The following MYO16 variants were observed in gnomAD, a reference collection of about 807,000 sequenced individuals.
MYO16 encodes myosin XVI, also known as unconventional myosin-XVI.
A neutral mutation model predicts 205.3 loss-of-function variants in MYO16; 94 were observed. That is an observed-to-expected ratio of 0.46 (90% CI 0.39 to 0.54). MYO16 has a LOEUF of 0.54. MYO16 is among the 20% of genes least tolerant of loss of function. The pLI is 0.00. For missense variants in MYO16, 2,315 were observed against 2,387.5 expected (o/e 0.97, Z 0.63); for synonymous variants, 988 against 954.0 (o/e 1.04, Z -0.66).
chr13:108,691,394 G>A (rs762953129), intron 2 of MYO16, among the ~76,000 whole-genome samples: 1 of 152,086 alleles, frequency 6.6e-6, no homozygotes, highest in East Asian at 1.9e-4. Context: ...GTGTAGGGGT[G>A]TGTGTCTGTG....
chr13:108,536,172 T>C, the MYO16 span, among the ~76,000 whole-genome samples: 1 of 152,158 alleles, frequency 6.6e-6, no homozygotes, highest in Non-Finnish European at 1.5e-5. Context: ...AATTCCCTAG[T>C]GATCTGCTTC....
chr13:108,783,175 C>A (rs1886358441), intron 4 of MYO16, among the ~76,000 whole-genome samples: 1 of 152,138 alleles, frequency 6.6e-6, no homozygotes, highest in African/African-American at 2.4e-5. Context: ...CTGAACCCTG[C>A]AAAGCCACAG....
chr13:108,679,907 C>T (rs1384529112), intron 2 of MYO16, among the ~76,000 whole-genome samples: 2 of 152,048 alleles, frequency 1.3e-5, no homozygotes, highest in Non-Finnish European at 2.9e-5. Flanking sequence ...GCACTTCCCA[C>T]TGTACCTAGG....
chr13:108,550,083 G>A, the MYO16 span, among the ~76,000 whole-genome samples: 67 of 152,238 alleles, frequency 4.4e-4, no homozygotes, highest in Non-Finnish European at 7.9e-4. Context: ...TTGTGGACCC[G>A]TGGCCTGGAT....
intron 23 of MYO16, among the ~76,000 whole-genome samples, chr13:109,034,494 C>T (rs1248446792): frequency 3.9e-5 from 6 of 152,120 alleles, no homozygotes; most frequent in East Asian, 1.9e-4. Flanking sequence ...GTTTGCCTTC[C>T]GCCATGATTG....
the MYO16 span, among the ~76,000 whole-genome samples, chr13:108,507,925 T>A: frequency 2.0e-5 from 3 of 152,118 alleles, no homozygotes; most frequent in African/African-American, 7.2e-5. Flanking sequence ...GCCAAGTCTG[T>A]TGAACATTTA....
At chr13:108,834,955 C>A (rs1876824778) in intron 9 of MYO16, among the ~76,000 whole-genome samples, 2 of 151,936 alleles carry the variant, frequency 1.3e-5, no homozygotes, top group African/African-American at 4.8e-5. Context: ...AAGAGAGAAA[C>A]CTAAACAATT....
intron 12 of MYO16, among the ~76,000 whole-genome samples, chr13:108,870,290 C>T (rs1317613446): frequency 6.6e-6 from 1 of 151,806 alleles, no homozygotes; most frequent in East Asian, 1.9e-4. Flanking sequence ...TTACTGACGT[C>T]TATTAAATAA....
the MYO16 span, among the ~76,000 whole-genome samples, chr13:108,563,213 G>A: frequency 2.0e-5 from 3 of 151,976 alleles, no homozygotes; most frequent in Non-Finnish European, 2.9e-5. Context: ...TTAATTTTGT[G>A]GGTACATAGT....
intron 23 of MYO16, among the ~76,000 whole-genome samples, chr13:109,027,725 T>A (rs1190895987): frequency 2.0e-5 from 3 of 152,162 alleles, no homozygotes; most frequent in African/African-American, 7.2e-5. Context: ...GGACAAGCAA[T>A]AAATGCAGAT....
chr13:109,179,460 G>C, intron 33 of MYO16, 82 bp from the exon 34 acceptor site: 1 of 835,094 alleles, frequency 1.2e-6, no homozygotes, highest in African/African-American at 1.7e-5. Context: ...AACAATTCTA[G>C]TTTATTGTAA....
intron 6 of MYO16, among the ~76,000 whole-genome samples, chr13:108,793,852 T>C (rs1254104833): frequency 6.6e-6 from 1 of 152,136 alleles, no homozygotes; most frequent in Non-Finnish European, 1.5e-5. Flanking sequence ...AAGGAATATA[T>C]ATCATTCTAC....
At chr13:108,744,568 A>G (rs1885002702) in intron 4 of MYO16, among the ~76,000 whole-genome samples, 1 of 152,256 alleles carries the variant, frequency 6.6e-6, no homozygotes, top group Non-Finnish European at 1.5e-5. Context: ...GACAGTTCTC[A>G]ATCCAGACAA....
At chr13:108,500,957 G>A in the MYO16 span, among the ~76,000 whole-genome samples, 1 of 152,052 alleles carries the variant, frequency 6.6e-6, no homozygotes. Context: ...CAACACCGAG[G>A]TGCTTGTTCT....
In MYO16 at chr13:109,031,521, G is replaced by C. The variant is rs1886547433; in HGVS notation, c.2796+11610G>C. On this transcript the variant is annotated intron_variant, in intron 23 of 34. Transcript: ENST00000457511. Reference sequence around the variant, plus strand: ...GCACTGATGGATGCTCTACTTACCAGTTGGGCATAAATGATACCTTTTAAA... The same window carrying C: ...GCACTGATGGATGCTCTACTTACCACTTGGGCATAAATGATACCTTTTAAA... Among the ~76,000 whole-genome samples, 3 of 152,142 alleles carry C rather than the reference G, an allele frequency of 2.0e-5. No homozygotes were observed. In the South Asian group the frequency reaches 6.2e-4, roughly 32 times the overall value.
intron 27 of MYO16, among the ~76,000 whole-genome samples, chr13:109,091,877 G>A (rs963210270): frequency 2.0e-5 from 3 of 152,150 alleles, no homozygotes; most frequent in South Asian, 2.1e-4. Flanking sequence ...GAATATAACC[G>A]TAATAAGATA....
chr13:108,921,529 T>C (rs1346699333), intron 16 of MYO16, among the ~76,000 whole-genome samples: 1 of 152,240 alleles, frequency 6.6e-6, no homozygotes, highest in Non-Finnish European at 1.5e-5. Flanking sequence ...TAAAATGCTT[T>C]TCTTTGTCCT....
chr13:108,735,191 A>C (rs9587661), intron 4 of MYO16, among the ~76,000 whole-genome samples: 4,372 of 151,910 alleles, frequency 0.029, 200 homozygotes, highest in African/African-American at 0.1. Context: ...TATACATGTG[A>C]CATGTTGGTG....
rs143892617 is a variant in MYO16 at position 108,720,284 on chromosome 13, G to A, written c.364-7156G>A. On this transcript the variant is annotated intron_variant, in intron 3 of 34. Coordinates refer to ENST00000457511, the MANE Select transcript of MYO16 (RefSeq NM_001198950.3). ...ATTCAAGCACAGGCTGAAAGGGCCGGTCTGCGGTATTGCTGTTGAATAAAA... is the reference window on the plus strand; with the variant it reads ...ATTCAAGCACAGGCTGAAAGGGCCGATCTGCGGTATTGCTGTTGAATAAAA... Among the ~76,000 whole-genome samples, 30 of 152,294 alleles carry A rather than the reference G, an allele frequency of 2.0e-4. No individual in the cohort carries two copies. The East Asian group carries it at 5.6e-3, about 28-fold the overall frequency.
Sources: allele counts gnomAD v4.1 joint callset (sites outside exome capture counted in the v4.1 genomes callset), GRCh38; gene constraint gnomAD v4.1.1; transcripts MANE v1.5; gene names NCBI Gene and HGNC (gene_info 2026-07-23, HGNC 2026-07-21).